CSTL1: variants seen among roughly 807,000 people sequenced by gnomAD.
The protein encoded by CSTL1 is cystatin like 1.
A neutral mutation model predicts 14.4 loss-of-function variants in CSTL1; 14 were observed. The ratio of observed to expected loss-of-function variants is 0.97; its 90% confidence interval spans 0.64 to 1.52. The LOEUF is 1.52. CSTL1 is among the 40% of genes most tolerant of loss of function. CSTL1 has a pLI of 0.00. For missense variants in CSTL1, 170 were observed against 168.7 expected, an observed-to-expected ratio of 1.01 and a Z score of -0.04; for synonymous variants, 72 against 67.5, an observed-to-expected ratio of 1.07 and a Z score of -0.33.
At chr20:23,441,759 G>C (rs553037246) in intron 2 of CSTL1, among the ~76,000 whole-genome samples, 1 of 152,218 alleles carries the variant, frequency 6.6e-6, no homozygotes, top group Non-Finnish European at 1.5e-5. Context: ...CAGATATGGA[G>C]CTCGTAAGTA....
chr20:23,452,165 C>T, the CSTL1 span, among the ~76,000 whole-genome samples: 9 of 152,292 alleles, frequency 5.9e-5, no homozygotes, highest in Middle Eastern at 3.4e-3. Context: ...ATGCAAGTGA[C>T]GCTAGTGATT....
intron 3 of CSTL1, among the ~76,000 whole-genome samples, 167 bp downstream of exon 3, chr20:23,444,211 T>G (rs1298822593): frequency 6.6e-6 from 1 of 152,252 alleles, no homozygotes; most frequent in African/African-American, 2.4e-5. Flanking sequence ...GGAGGCTTTA[T>G]ATTTGGGCTG....
downstream of CSTL1, among the ~76,000 whole-genome samples, chr20:23,446,253 C>CT (rs552330748): frequency 0.058 from 8,435 of 145,686 alleles, 475 homozygotes; most frequent in African/African-American, 0.14. Context: ...GCCTTTCTTT[C>CT]TTTTTTTTTT....
chr20:23,445,879 G>T (rs1480755973), downstream of CSTL1, among the ~76,000 whole-genome samples: 1 of 152,114 alleles, frequency 6.6e-6, no homozygotes, highest in Admixed American at 6.5e-5. Flanking sequence ...GGCAAAAGGT[G>T]CATGGCGCTA....
intron 2 of CSTL1, among the ~76,000 whole-genome samples, chr20:23,442,725 C>G (rs1986864267): frequency 1.3e-5 from 2 of 152,150 alleles, no homozygotes; most frequent in South Asian, 4.1e-4. Context: ...GGGTGTCTTC[C>G]TCCCAGGAGC....
At chr20:23,440,013 C>G in intron 1 of CSTL1, 131 bp from the exon 2 acceptor site, 3 of 503,666 alleles carry the variant, frequency 6.0e-6, no homozygotes, top group Non-Finnish European at 1.1e-5. Context: ...GCTTGCACGC[C>G]TTAGCAGGTG....
the CSTL1 span, among the ~76,000 whole-genome samples, chr20:23,455,079 A>G: frequency 1.3e-5 from 2 of 152,224 alleles, no homozygotes; most frequent in African/African-American, 2.4e-5. Context: ...CTATTGGAAC[A>G]TGAAGTAATC....
At chr20:23,443,176 CAG>C (rs1398550774) in intron 2 of CSTL1, among the ~76,000 whole-genome samples, 1 of 152,216 alleles carries the variant, frequency 6.6e-6, no homozygotes, top group Admixed American at 6.5e-5. Context: ...GTAAAATTTA[CAG>C]AGTCTGCAGG....
chr20:23,461,109 C>T, the CSTL1 span, among the ~76,000 whole-genome samples: 4 of 152,184 alleles, frequency 2.6e-5, no homozygotes, highest in Non-Finnish European at 5.9e-5. Context: ...AGTCAGCAAC[C>T]ATCAACATCA....
At position 23,440,439 on chromosome 20, in the gene CSTL1, G is replaced by A. The variant is rs755920751; in HGVS notation, c.172G>A (p.Asp58Asn). Residue 58 changes from aspartate (D) to asparagine (N), a missense_variant, in exon 2 of 4, where the codon GAC (aspartate) becomes AAC (asparagine). Physicochemically the swap from Asp to Asn is conservative, Grantham distance 23 (BLOSUM62 1). Coordinates refer to ENST00000347397, the MANE Select transcript of CSTL1 (RefSeq NM_138283.1). Reference sequence around the variant, plus strand: ...TCAATCCTACAACAATGCCAGCAACGACACCTACTTATATCGAGTCCAGAG... The same window carrying A: ...TCAATCCTACAACAATGCCAGCAACAACACCTACTTATATCGAGTCCAGAG... ...FIQSYNNASN[D>N]TYLYRVQRLI... 6.2e-6 allele frequency: 10 copies of A among 1,614,106 alleles called. No individual in the cohort carries two copies. The Admixed American group carries it at 6.7e-5, about 11-fold the overall frequency.
chr20:23,451,736 C>A, the CSTL1 span: 6 of 1,017,018 alleles, frequency 5.9e-6, no homozygotes, highest in Middle Eastern at 4.3e-4. Flanking sequence ...CCAATTAATT[C>A]TTCCCAACTC....
the CSTL1 span, among the ~76,000 whole-genome samples, chr20:23,454,180 C>T: frequency 6.6e-6 from 1 of 151,782 alleles, no homozygotes; most frequent in Non-Finnish European, 1.5e-5. Context: ...CACATCTACA[C>T]ATACACAATG....
intron 2 of CSTL1, among the ~76,000 whole-genome samples, chr20:23,443,068 C>T (rs1177898753): frequency 1.3e-5 from 2 of 152,196 alleles, no homozygotes; most frequent in South Asian, 2.1e-4. Flanking sequence ...TTCTCCATGG[C>T]TCGTGTACCC....
chr20:23,454,869 G>A, the CSTL1 span, among the ~76,000 whole-genome samples: 1 of 152,216 alleles, frequency 6.6e-6, no homozygotes. Context: ...TTTTGTTTGA[G>A]TATGGGACTG....
the CSTL1 span, among the ~76,000 whole-genome samples, chr20:23,457,978 G>A: frequency 2.0e-5 from 3 of 152,054 alleles, no homozygotes; most frequent in Non-Finnish European, 2.9e-5. Flanking sequence ...AGTCCCACAA[G>A]TCCTCCAGTC....
chr20:23,460,097 C>G, the CSTL1 span, among the ~76,000 whole-genome samples: 75 of 152,346 alleles, frequency 4.9e-4, no homozygotes, highest in African/African-American at 1.8e-3. Context: ...ACCCTGCTGG[C>G]CTCCCCAAGT....
At chr20:23,450,399 G>T in the CSTL1 span, 1 of 671,434 alleles carries the variant, frequency 1.5e-6, no homozygotes, top group South Asian at 2.7e-5. Flanking sequence ...GTGGAATCAC[G>T]ATCTTAAGAG....
chr20:23,453,758 C>T, the CSTL1 span, among the ~76,000 whole-genome samples: 3 of 152,168 alleles, frequency 2.0e-5, no homozygotes, highest in African/African-American at 4.8e-5. Flanking sequence ...ACGCCTGTTT[C>T]GAGGCTTCCT....
At chr20:23,445,861 C>T (rs116377619), downstream of CSTL1, among the ~76,000 whole-genome samples, 967 of 152,170 alleles carry the variant, frequency 6.4e-3, 19 homozygotes, top group African/African-American at 0.022. Flanking sequence ...CAGGGCAAAA[C>T]CAGCAAAGGC....
Sources: allele counts gnomAD v4.1 joint callset (sites outside exome capture counted in the v4.1 genomes callset), GRCh38; gene constraint gnomAD v4.1.1; transcripts MANE v1.5; gene names NCBI Gene and HGNC (gene_info 2026-07-23, HGNC 2026-07-21).